SPOCK3: variants seen among roughly 807,000 people sequenced by gnomAD.
SPOCK3 encodes the protein testican-3.
In SPOCK3, 30 loss-of-function variants were observed where a neutral mutation model predicts 56.6. The ratio of observed to expected loss-of-function variants is 0.53; its 90% confidence interval spans 0.40 to 0.72. The LOEUF is 0.72. Among genes scored for constraint, SPOCK3 ranks in the 30% least tolerant of loss-of-function variants. The probability of loss-of-function intolerance (pLI) is 0.00; values close to 1 mark genes in which losing one functional copy is unlikely to be tolerated. For synonymous variants in SPOCK3, 196 were observed against 183.3 expected (o/e 1.07, Z -0.56); for missense variants, 527 against 530.0 (o/e 0.99, Z 0.06).
In SPOCK3 at chr4:166,919,925, A is replaced by G. The variant is rs377608166; in HGVS notation, c.351-7182T>C. Among the ~76,000 whole-genome samples the G allele has an allele frequency of 1.4e-4, 21 of 152,346 alleles. No homozygotes were observed. In the South Asian group the frequency reaches 2.7e-3, roughly 20 times the overall value. On this transcript the variant is annotated intron_variant, in intron 4 of 10. Coordinates refer to ENST00000357545, the MANE Select transcript of SPOCK3 (RefSeq NM_001040159.2). Reference sequence around the variant, plus strand: ...ATTTTAAGAACTAAACCAAGTATTTAAATAAATCTAAGGTTAGATTTACAT... The same window carrying G: ...ATTTTAAGAACTAAACCAAGTATTTGAATAAATCTAAGGTTAGATTTACAT...
intron 2 of SPOCK3, among the ~76,000 whole-genome samples, chr4:167,066,346 C>T (rs1052603736): frequency 7.3e-5 from 11 of 151,600 alleles, no homozygotes; most frequent in African/African-American, 1.9e-4. Context: ...CATGAGATAC[C>T]GGTGGGGATA....
intron 2 of SPOCK3, among the ~76,000 whole-genome samples, chr4:167,173,764 C>CA (rs1204534149): frequency 6.6e-6 from 1 of 151,606 alleles, no homozygotes; most frequent in Non-Finnish European, 1.5e-5. Context: ...GAAAAACTGA[C>CA]AAAAAAGAAG....
intron 4 of SPOCK3, among the ~76,000 whole-genome samples, chr4:166,994,754 C>T (rs574728705): frequency 6.6e-6 from 1 of 152,234 alleles, no homozygotes; most frequent in South Asian, 2.1e-4. Flanking sequence ...GACCAAATCA[C>T]ATTGACTGAC....
At chr4:167,131,038 GA>G (rs1224799135) in intron 2 of SPOCK3, among the ~76,000 whole-genome samples, 9 of 151,930 alleles carry the variant, frequency 5.9e-5, no homozygotes, top group African/African-American at 1.9e-4. Context: ...TAATAGACCT[GA>G]TATTCTAAAT....
At chr4:167,201,846 G>T (rs982258705) in intron 2 of SPOCK3, among the ~76,000 whole-genome samples, 6 of 151,768 alleles carry the variant, frequency 4.0e-5, no homozygotes, top group African/African-American at 1.5e-4. Flanking sequence ...AGTTATACCT[G>T]CAGACCTTTC....
chr4:167,156,450 C>G (rs995862220), intron 2 of SPOCK3, among the ~76,000 whole-genome samples: 1 of 152,100 alleles, frequency 6.6e-6, no homozygotes, highest in Non-Finnish European at 1.5e-5. Flanking sequence ...TCTATCTGCA[C>G]CATGAGCAAT....
chr4:166,796,451 A>G (rs2126671698), intron 6 of SPOCK3, among the ~76,000 whole-genome samples: 1 of 152,268 alleles, frequency 6.6e-6, no homozygotes, highest in Non-Finnish European at 1.5e-5. Flanking sequence ...TTTTGTTCCA[A>G]TAGTATATTT....
intron 4 of SPOCK3, among the ~76,000 whole-genome samples, chr4:166,931,250 G>A (rs982638833): frequency 7.2e-5 from 11 of 151,776 alleles, no homozygotes; most frequent in African/African-American, 1.5e-4. Flanking sequence ...TCAAAGTGCC[G>A]GGATTTCAGG....
At chr4:166,889,733 C>T (rs750127198) in intron 5 of SPOCK3, among the ~76,000 whole-genome samples, 2 of 151,740 alleles carry the variant, frequency 1.3e-5, no homozygotes, top group Non-Finnish European at 1.5e-5. Context: ...ATCAAATGGC[C>T]CATCTTGTAT....
At chr4:167,218,514 T>C (rs577165745) in intron 2 of SPOCK3, among the ~76,000 whole-genome samples, 2 of 152,272 alleles carry the variant, frequency 1.3e-5, no homozygotes, top group African/African-American at 4.8e-5. Context: ...ACAAAGCAGT[T>C]CTGAAATTAG....
chr4:166,877,465 A>G lies in SPOCK3; in HGVS notation c.589+11665T>C, dbSNP rs1733214057. On this transcript the variant is annotated intron_variant, in intron 6 of 10. Coordinates refer to ENST00000357545, the MANE Select transcript of SPOCK3 (RefSeq NM_001040159.2). ...ATTAGAGCTCTCACGTTCAGAAAAC[A>G]TAAGCTAAATACAAATAAATATAAA... 3.3e-5 allele frequency among the ~76,000 whole-genome samples: 5 copies of G among 152,344 alleles called. No individual in the cohort carries two copies. In the South Asian group the frequency reaches 8.3e-4, roughly 25 times the overall value.
chr4:166,790,907 C>T lies in SPOCK3; in HGVS notation c.709+1263G>A, dbSNP rs79765506. On this transcript the variant is annotated intron_variant, in intron 7 of 10. Coordinates refer to ENST00000357545, the MANE Select transcript of SPOCK3 (RefSeq NM_001040159.2). ...TGTAAGGGTATGGAAGAAACCTTCT[C>T]CCCACTCCAGACATCTTTTCTTCAT... Among the ~76,000 whole-genome samples the T allele has an allele frequency of 2.2e-3, 336 of 152,268 alleles. 9 individuals carry two copies. The East Asian group carries it at 0.049, about 22-fold the overall frequency.
chr4:167,228,820 C>T (rs1736847924), intron 2 of SPOCK3, among the ~76,000 whole-genome samples: 1 of 152,082 alleles, frequency 6.6e-6, no homozygotes. Context: ...TGCCTCTCTC[C>T]ATTAAATCTC....
chr4:167,039,416 A>G (rs552444842), intron 3 of SPOCK3, among the ~76,000 whole-genome samples: 2 of 152,314 alleles, frequency 1.3e-5, no homozygotes, highest in South Asian at 4.1e-4. Flanking sequence ...ATAGGTGACA[A>G]TAACACTTAA....
intron 4 of SPOCK3, among the ~76,000 whole-genome samples, chr4:166,999,216 G>A (rs1748703953): frequency 6.6e-6 from 1 of 152,060 alleles, no homozygotes; most frequent in Admixed American, 6.6e-5. Flanking sequence ...TCTAACCCAA[G>A]TGAACACATT....
intron 6 of SPOCK3, among the ~76,000 whole-genome samples, chr4:166,859,241 G>A (rs541473420): frequency 1.1e-4 from 17 of 152,094 alleles, no homozygotes; most frequent in African/African-American, 3.6e-4. Flanking sequence ...AAGAAATCAC[G>A]TCCTGACCCA....
At chr4:166,920,353 T>C (rs566308472) in intron 4 of SPOCK3, among the ~76,000 whole-genome samples, 2 of 152,296 alleles carry the variant, frequency 1.3e-5, no homozygotes, top group African/African-American at 4.8e-5. Flanking sequence ...GAAATTTATA[T>C]GGTGTGAAAT....
At chr4:167,035,198 A>G in intron 3 of SPOCK3, among the ~76,000 whole-genome samples, 1 of 152,050 alleles carries the variant, frequency 6.6e-6, no homozygotes, top group East Asian at 1.9e-4. Context: ...AAAAAAAGCT[A>G]TTTCTTCTGT....
At chr4:166,764,593 T>C (rs1269386243) in intron 7 of SPOCK3, among the ~76,000 whole-genome samples, 1 of 152,202 alleles carries the variant, frequency 6.6e-6, no homozygotes, top group East Asian at 1.9e-4. Flanking sequence ...TCTATATTGA[T>C]GGACATTTGG....
Sources: gnomAD v4.1 joint callset for allele counts (sites outside exome capture counted in the v4.1 genomes callset) on GRCh38, gnomAD v4.1.1 for gene constraint, MANE v1.5 for transcripts, NCBI Gene and HGNC (gene_info 2026-07-23, HGNC 2026-07-21) for gene names.